Variants in WSCD2 observed in about 807,000 individuals in gnomAD.
WSCD2 encodes the protein WSC domain sialate O sulfotransferase 2, also known as sialate:O-sulfotransferase 2.
WSCD2 carries 28 observed loss-of-function variants against 55.7 expected under a neutral mutation model. The ratio of observed to expected loss-of-function variants is 0.50; its 90% CI spans 0.37 to 0.69. The LOEUF is 0.69. WSCD2 is among the 30% of genes least tolerant of loss of function. WSCD2 has a pLI of 0.00. For missense variants in WSCD2, 616 were observed against 762.1 expected, an observed-to-expected ratio of 0.81 and a Z score of 2.26; for synonymous variants, 301 against 301.9, an observed-to-expected ratio of 1.00 and a Z score of 0.03.
At position 108,164,138 on chromosome 12, in the gene WSCD2, C is replaced by CTTT; in HGVS notation, c.-551-31144_-551-31143insTTT. Among the ~76,000 whole-genome samples, 317 of 71,734 alleles carry CTTT rather than the reference C, an allele frequency of 4.4e-3. 108 individuals carry two copies. The highest frequency in any genetic ancestry group is 9.8e-3 in the African/African-American group (199 of 20,396). The allele number at this position is 71,734 out of a possible 152,430, so 47.1% of individuals were successfully genotyped here. ...TTTATACTGTTGTTTAATCTTAAATCCTTTTTTTTTTTTTTTTTTTTTTTC... is the reference window on the plus strand; with the variant it reads ...TTTATACTGTTGTTTAATCTTAAATCTTTCTTTTTTTTTTTTTTTTTTTTTTTC... On this transcript the variant is annotated intron_variant, in intron 1 of 8. Coordinates refer to ENST00000547525, the MANE Select transcript of WSCD2 (RefSeq NM_014653.4).
intron 2 of WSCD2, among the ~76,000 whole-genome samples, chr12:108,199,087 C>A (rs1204624391): frequency 1.3e-5 from 2 of 152,206 alleles, no homozygotes; most frequent in Non-Finnish European, 2.9e-5. Flanking sequence ...AAGGCCAGGG[C>A]TCTCAGCAGA....
At chr12:108,226,921 C>A in intron 5 of WSCD2, 69 bp from the exon 6 acceptor site, 1 of 1,516,596 alleles carries the variant, frequency 6.6e-7, no homozygotes, top group Non-Finnish European at 8.9e-7. Context: ...TCCTGTTCTC[C>A]ATTTGGAGTC....
chr12:108,166,323 G>A (rs1879589282), intron 1 of WSCD2, among the ~76,000 whole-genome samples: 1 of 152,176 alleles, frequency 6.6e-6, no homozygotes. Context: ...TTGTGATAGG[G>A]TCATCTAATG....
chr12:108,248,115 G>C lies in WSCD2; in HGVS notation c.1470G>C (p.Gln490His), dbSNP rs561509390. 7 of 1,614,218 alleles carry C rather than the reference G, an allele frequency of 4.3e-6. No homozygotes were observed. The East Asian group carries it at 1.1e-4, about 26-fold the overall frequency. The change falls in exon 9 of 9, where the codon CAG becomes CAC. Residue 490 changes from glutamine (Q) to histidine (H), a missense_variant. By Grantham distance (24) the Gln-to-His change is conservative (BLOSUM62 0). Coordinates refer to ENST00000547525, the MANE Select transcript of WSCD2 (RefSeq NM_014653.4). The surrounding 1 kb of genome is among the most constrained non-coding windows in gnomAD (Gnocchi z 4.3). ...ACCTGAAGCAGGACCTCTTTGTCCAGCTGGGCCGGATGGTCAGCCTGCTGG... is the reference window on the plus strand; with the variant it reads ...ACCTGAAGCAGGACCTCTTTGTCCACCTGGGCCGGATGGTCAGCCTGCTGG... The part of the protein sequence containing the change: ...FEDLKQDLFV[Q>H]LGRMVSLLGV...
At chr12:108,218,209 T>C (rs1008899702) in intron 4 of WSCD2, among the ~76,000 whole-genome samples, 2 of 152,232 alleles carry the variant, frequency 1.3e-5, no homozygotes, top group Non-Finnish European at 2.9e-5. Context: ...AACTTGCCCA[T>C]GGTCAAAGAC....
rs549917371 is a variant in WSCD2, at chr12:108,233,304, C to T, written c.1144+409C>T. ...TCACTTTGGGGACATTTATTGAGCA[C>T]CTACTATTCACCAGGTGTCCTCTCC... On this transcript the variant is annotated intron_variant, in intron 7 of 8. Transcript: ENST00000547525. 2.6e-5 allele frequency among the ~76,000 whole-genome samples: 4 copies of T among 152,296 alleles called. 1 individual carries two copies. Among genetic ancestry groups the T allele is most frequent in the African/African-American group, 4.8e-5 (2 of 41,536 alleles).
intron 1 of WSCD2, among the ~76,000 whole-genome samples, chr12:108,154,038 G>T (rs1011413452): frequency 1.3e-5 from 2 of 152,180 alleles, no homozygotes; most frequent in Non-Finnish European, 2.9e-5. Flanking sequence ...TTAAGTTGAA[G>T]GTATTTCTGT....
chr12:108,240,396 G>A lies in WSCD2; in HGVS notation c.1197G>A (p.Lys399=), dbSNP rs1889630869. ...HWRSGRTICI[K]THESGQKEIE... ...GCAGCGGACGGACCATCTGCATCAA[G>A]ACGCACGAAAGCGGCCAGAAAGAGA... is the stretch of plus-strand genomic sequence containing the variant. The change falls in exon 8 of 9, where the codon AAG becomes AAA. Residue 399 remains lysine, a synonymous_variant. Coordinates refer to ENST00000547525, the MANE Select transcript of WSCD2 (RefSeq NM_014653.4). 1.2e-6 allele frequency: 2 copies of A among 1,614,160 alleles called. No homozygotes were observed. The highest frequency in any genetic ancestry group is 1.7e-6 in the Non-Finnish European group (2 of 1,180,034).
At position 108,235,316 on chromosome 12, in the gene WSCD2, G is replaced by A. The variant is rs114814109; in HGVS notation, c.1144+2421G>A. Among the ~76,000 whole-genome samples, 334 of 152,276 alleles carry A rather than the reference G, an allele frequency of 2.2e-3. 1 individual carries two copies. Among genetic ancestry groups the A allele is most frequent in the African/African-American group, 7.9e-3 (329 of 41,562 alleles). On this transcript the variant is annotated intron_variant, in intron 7 of 8. Coordinates refer to ENST00000547525, the MANE Select transcript of WSCD2 (RefSeq NM_014653.4). Reference sequence around the variant, plus strand: ...CAGGACAGTCATTTACTTAGTCAAAGGCAAAGGGGGTTGGTCTCTGACTAC... The same window carrying A: ...CAGGACAGTCATTTACTTAGTCAAAAGCAAAGGGGGTTGGTCTCTGACTAC...
At chr12:108,229,050 T>A (rs11829234) in intron 6 of WSCD2, among the ~76,000 whole-genome samples, 3,764 of 152,242 alleles carry the variant, frequency 0.025, 156 homozygotes, top group African/African-American at 0.087. Flanking sequence ...CCCTAATTGA[T>A]GAATTTGCTC....
intron 4 of WSCD2, among the ~76,000 whole-genome samples, chr12:108,216,511 T>A (rs570183424): frequency 5.9e-5 from 9 of 152,352 alleles, no homozygotes; most frequent in Admixed American, 5.9e-4. Flanking sequence ...GTGAAGGATT[T>A]TCCTTGTAAC....
At chr12:108,231,385 C>T (rs1398548597) in intron 6 of WSCD2, among the ~76,000 whole-genome samples, 1 of 152,202 alleles carries the variant, frequency 6.6e-6, no homozygotes, top group Non-Finnish European at 1.5e-5. Context: ...TTTCTTAGCT[C>T]CCTCTGGGGT....
chr12:108,150,570 G>A (rs1413050235), intron 1 of WSCD2, among the ~76,000 whole-genome samples: 1 of 152,178 alleles, frequency 6.6e-6, no homozygotes, highest in Non-Finnish European at 1.5e-5. Context: ...TGGAGTTGGA[G>A]TATGGTAGGA....
intron 1 of WSCD2, among the ~76,000 whole-genome samples, chr12:108,182,839 GT>G (rs370074193): frequency 0.039 from 5,779 of 148,314 alleles, 350 homozygotes; most frequent in African/African-American, 0.13. Flanking sequence ...TTTTAATATA[GT>G]TTTTTTTTTT....
At chr12:108,240,653 A>G in intron 8 of WSCD2, 109 bp downstream of exon 8, 1 of 1,277,218 alleles carries the variant, frequency 7.8e-7, no homozygotes, top group South Asian at 1.4e-5. Context: ...GCAATGCCTC[A>G]TGCGAGGAAC....
chr12:108,246,850 G>A (rs909174458), intron 8 of WSCD2, among the ~76,000 whole-genome samples: 3 of 152,114 alleles, frequency 2.0e-5, no homozygotes, highest in African/African-American at 4.8e-5. Flanking sequence ...AGTGCTGTGG[G>A]GGGCTGCAGG....
chr12:108,137,880 A>C (rs1876383545), intron 1 of WSCD2, among the ~76,000 whole-genome samples: 1 of 152,228 alleles, frequency 6.6e-6, no homozygotes, highest in Non-Finnish European at 1.5e-5. Context: ...AACTGTACCT[A>C]GACAGTGTCT....
At chr12:108,164,158 T>TTTTTTTTTTTTTTTTTTTTTTA (rs1159854999) in intron 1 of WSCD2, among the ~76,000 whole-genome samples, 1 of 144,444 alleles carries the variant, frequency 6.9e-6, no homozygotes, top group Non-Finnish European at 1.5e-5. Context: ...TTTTTTTTTT[T>TTTTTTTTTTTTTTTTTTTTTTA]TTTTCAGAGA....
chr12:108,185,037 T>A (rs1882279545), intron 1 of WSCD2, among the ~76,000 whole-genome samples: 1 of 152,154 alleles, frequency 6.6e-6, no homozygotes, highest in African/African-American at 2.4e-5. Flanking sequence ...CCATTGCTGA[T>A]GAAAATTAAG....
Sources: gnomAD v4.1 joint callset for allele counts (sites outside exome capture counted in the v4.1 genomes callset) on GRCh38, gnomAD v4.1.1 for gene constraint, Gnocchi (gnomAD v3.1) non-coding constraint, MANE v1.5 for transcripts, NCBI Gene and HGNC (gene_info 2026-07-23, HGNC 2026-07-21) for gene names.